The following CACNB2 variants were observed in gnomAD, a reference collection of about 807,000 sequenced individuals.
CACNB2 encodes voltage-dependent L-type calcium channel subunit beta-2.
CACNB2 carries 42 observed loss-of-function variants against 73.3 expected under a neutral mutation model. That is an observed-to-expected ratio of 0.57 (90% CI 0.45 to 0.74). The LOEUF (loss-of-function observed/expected upper bound fraction) is 0.74. Among genes scored for constraint, CACNB2 ranks in the 30% least tolerant of loss-of-function variants. CACNB2 has a pLI of 0.00. For missense variants in CACNB2, 940 were observed against 853.0 expected, an observed-to-expected ratio of 1.10 and a Z score of -1.27; for synonymous variants, 348 against 310.3, an observed-to-expected ratio of 1.12 and a Z score of -1.28.
At chr10:18,518,212 G>C (rs1489537496) in intron 7 of CACNB2, 124 bp from the exon 8 acceptor site, 2 of 766,426 alleles carry the variant, frequency 2.6e-6, no homozygotes, top group East Asian at 5.0e-5. Flanking sequence ...AGGCAAGTGG[G>C]GAAAATAAAA....
intron 3 of CACNB2, among the ~76,000 whole-genome samples, chr10:18,497,950 A>G (rs926702818): frequency 1.3e-5 from 2 of 152,218 alleles, no homozygotes; most frequent in Admixed American, 6.5e-5. Context: ...TGATTAATTA[A>G]TTAAAGTAGA....
chr10:18,297,164 C>G (rs915079677), intron 2 of CACNB2, among the ~76,000 whole-genome samples: 2 of 152,228 alleles, frequency 1.3e-5, no homozygotes, highest in Admixed American at 1.3e-4. Context: ...GCTAACTTCC[C>G]TTCTCCATTC....
chr10:18,425,700 A>G (rs2045565159), intron 3 of CACNB2, among the ~76,000 whole-genome samples: 1 of 152,144 alleles, frequency 6.6e-6, no homozygotes, highest in Admixed American at 6.6e-5. Context: ...AAAAAAGGAA[A>G]TTCTTTCCTA....
At position 18,541,535 on chromosome 10, in the gene CACNB2, C is replaced by T. The variant is rs1001570689; in HGVS notation, c.*1811C>T. 6.6e-6 allele frequency: 1 copy of T among 152,120 alleles called. No individual in the cohort carries two copies. The highest frequency in any genetic ancestry group is 2.1e-4 in the South Asian group (1 of 4,824). 9.4% of individuals were successfully genotyped at this position (152,120 alleles called of 1,614,324 possible). A position where few individuals can be genotyped will look rare whatever the true frequency, so the allele number is the denominator to read the frequency against. On this transcript the variant is annotated 3_prime_UTR_variant, in exon 14 of 14. Coordinates refer to ENST00000324631, the MANE Select transcript of CACNB2 (RefSeq NM_201596.3). ...CCAGGAAAATGCCTGTGTATAATTA[C>T]CTAACTTCAGATCTGCACATTAACT...
intron 2 of CACNB2, among the ~76,000 whole-genome samples, chr10:18,375,170 C>T (rs1442478969): frequency 1.3e-5 from 2 of 152,080 alleles, no homozygotes; most frequent in East Asian, 1.9e-4. Context: ...CATGATCATA[C>T]CACTGCACTC....
At chr10:18,331,078 T>C (rs2040784088) in intron 2 of CACNB2, among the ~76,000 whole-genome samples, 1 of 151,932 alleles carries the variant, frequency 6.6e-6, no homozygotes, top group Non-Finnish European at 1.5e-5. Context: ...TTCCGCCTCC[T>C]GGGTTCAGGT....
At chr10:18,170,598 C>T (rs184997368) in intron 2 of CACNB2, among the ~76,000 whole-genome samples, 62 of 152,278 alleles carry the variant, frequency 4.1e-4, no homozygotes, top group East Asian at 4.1e-3. Context: ...GATAAAACCA[C>T]GCCCCACTGC....
chr10:18,264,281 G>A (rs1280663163), intron 2 of CACNB2, among the ~76,000 whole-genome samples: 5 of 152,148 alleles, frequency 3.3e-5, no homozygotes, highest in Non-Finnish European at 5.9e-5. Context: ...ATGGAAAATT[G>A]GGTATCCATC....
intron 2 of CACNB2, among the ~76,000 whole-genome samples, chr10:18,159,751 C>T (rs1259045758): frequency 1.3e-5 from 2 of 152,156 alleles, no homozygotes; most frequent in African/African-American, 4.8e-5. Flanking sequence ...TTACAGACTC[C>T]AGGCCTGCGT....
chr10:18,427,180 C>T (rs1219552033), intron 3 of CACNB2, among the ~76,000 whole-genome samples: 1 of 151,938 alleles, frequency 6.6e-6, no homozygotes, highest in East Asian at 1.9e-4. Flanking sequence ...GTCTCGAACT[C>T]CCAACCTCAG....
At chr10:18,356,840 G>C (rs867613712) in intron 2 of CACNB2, among the ~76,000 whole-genome samples, 8 of 151,676 alleles carry the variant, frequency 5.3e-5, no homozygotes, top group African/African-American at 1.7e-4. Flanking sequence ...ATGTTGCCCA[G>C]GCTGGTCTCG....
At chr10:18,525,484 T>C (rs758995263) in intron 9 of CACNB2, among the ~76,000 whole-genome samples, 12 of 152,310 alleles carry the variant, frequency 7.9e-5, no homozygotes, top group Non-Finnish European at 1.5e-4. Context: ...GTGGCTTCCA[T>C]TGTTGCTTTG....
chr10:18,289,682 G>A (rs1393416283), intron 2 of CACNB2, among the ~76,000 whole-genome samples: 1 of 152,006 alleles, frequency 6.6e-6, no homozygotes, highest in Non-Finnish European at 1.5e-5. Context: ...TATTATAATT[G>A]TAGATGCTGG....
intron 2 of CACNB2, among the ~76,000 whole-genome samples, chr10:18,247,676 G>T (rs144593224): frequency 1.3e-5 from 2 of 152,262 alleles, no homozygotes; most frequent in South Asian, 2.1e-4. Context: ...TATCAAAAAT[G>T]CATTTATTTC....
chr10:18,187,287 T>C (rs934613090), intron 2 of CACNB2, among the ~76,000 whole-genome samples: 1 of 152,200 alleles, frequency 6.6e-6, no homozygotes, highest in Admixed American at 6.5e-5. Flanking sequence ...CATTCTGTTA[T>C]TGGAATTTGA....
At chr10:18,271,976 A>G (rs756376675) in intron 2 of CACNB2, among the ~76,000 whole-genome samples, 8 of 152,082 alleles carry the variant, frequency 5.3e-5, no homozygotes, top group Non-Finnish European at 1.0e-4. Flanking sequence ...AGAGTAAGGG[A>G]CAAGGGTTCT....
At chr10:18,340,691 G>A in intron 2 of CACNB2, 1 of 1,409,240 alleles carries the variant, frequency 7.1e-7, no homozygotes, top group Non-Finnish European at 9.2e-7. Flanking sequence ...AATTGACTTT[G>A]ATGAGCTCCT....
At chr10:18,255,330 C>T (rs1377941225) in intron 2 of CACNB2, among the ~76,000 whole-genome samples, 1 of 152,200 alleles carries the variant, frequency 6.6e-6, no homozygotes. Context: ...TTAGTGAACT[C>T]CTTCCCACCC....
chr10:18,525,354 T>C (rs2052367391), intron 9 of CACNB2, among the ~76,000 whole-genome samples: 1 of 152,204 alleles, frequency 6.6e-6, no homozygotes, highest in Non-Finnish European at 1.5e-5. Flanking sequence ...TATACATGTT[T>C]TTTTCAATAG....
Sources: allele counts gnomAD v4.1 joint callset (sites outside exome capture counted in the v4.1 genomes callset), GRCh38; gene constraint gnomAD v4.1.1; transcripts MANE v1.5; gene names NCBI Gene and HGNC (gene_info 2026-07-23, HGNC 2026-07-21).